LRP1B: variants seen among roughly 807,000 people sequenced by gnomAD.
LRP1B encodes the protein LDL receptor related protein 1B.
In LRP1B, 217 loss-of-function variants were observed where a neutral mutation model predicts 556.6. The observed-to-expected ratio is 0.39, with a 90% confidence interval of 0.35 to 0.44. The LOEUF is 0.44. Ranked by LOEUF, LRP1B falls within the 20% of genes least tolerant of loss-of-function variation. The pLI, the probability that LRP1B is intolerant of heterozygous loss-of-function variation, is 1.00. For synonymous variants in LRP1B, 2,047 were observed against 1,865.8 expected, an observed-to-expected ratio of 1.10 and a Z score of -2.50; for missense variants, 5,053 against 5,620.8, an observed-to-expected ratio of 0.90 and a Z score of 3.23.
chr2:142,039,286 A>G (rs1703987979), intron 1 of LRP1B, among the ~76,000 whole-genome samples: 1 of 151,506 alleles, frequency 6.6e-6, no homozygotes, highest in Non-Finnish European at 1.5e-5. Flanking sequence ...GCTCCTCCCC[A>G]TTGCATATTA....
At chr2:141,921,698 A>G (rs2104974399) in intron 1 of LRP1B, among the ~76,000 whole-genome samples, 1 of 152,168 alleles carries the variant, frequency 6.6e-6, no homozygotes, top group Admixed American at 6.5e-5. Flanking sequence ...GCTTCTCATC[A>G]ATTATAAATA....
In LRP1B at chr2:141,602,479, A is replaced by T. The variant is rs1021212314; in HGVS notation, c.206-121946T>A. Among the ~76,000 whole-genome samples, 11 of 152,326 alleles carry T rather than the reference A, an allele frequency of 7.2e-5. No individual in the cohort carries two copies. The East Asian group carries it at 2.1e-3, about 29-fold the overall frequency. On this transcript the variant is annotated intron_variant, in intron 2 of 90. Coordinates refer to ENST00000389484, the MANE Select transcript of LRP1B (RefSeq NM_018557.3). ...TAATTTAAACAATATTTAGAAAGTA[A>T]TTTAAACATTTCATAATCCTCTCAA...
intron 2 of LRP1B, among the ~76,000 whole-genome samples, chr2:141,764,550 G>T (rs969385874): frequency 6.6e-6 from 1 of 152,078 alleles, no homozygotes; most frequent in East Asian, 1.9e-4. Flanking sequence ...CAGAGAAAAG[G>T]TCACATGAGG....
intron 35 of LRP1B, among the ~76,000 whole-genome samples, chr2:140,759,510 T>G (rs977727801): frequency 2.6e-5 from 4 of 152,226 alleles, no homozygotes; most frequent in Admixed American, 2.0e-4. Context: ...TTTATTTTCT[T>G]TAACACAGCC....
At chr2:141,241,249 G>T (rs1393240354) in intron 5 of LRP1B, among the ~76,000 whole-genome samples, 2 of 151,922 alleles carry the variant, frequency 1.3e-5, no homozygotes, top group African/African-American at 2.4e-5. Flanking sequence ...ATAAAATAAA[G>T]AAATATTTTA....
intron 2 of LRP1B, among the ~76,000 whole-genome samples, chr2:141,720,373 T>C (rs73963545): frequency 0.027 from 4,135 of 152,230 alleles, 208 homozygotes; most frequent in African/African-American, 0.094. Context: ...GACCTGAATA[T>C]ATGGTAAAAT....
chr2:140,435,595 C>T lies in LRP1B; in HGVS notation c.10414+6909G>A, dbSNP rs569234621. ...CTAGAATATTTGGCATGCCTCCTGA[C>T]TCATTGTGTAGGCTCCTTTTTAGCT... is the stretch of plus-strand genomic sequence containing the variant. On this transcript the variant is annotated intron_variant, in intron 66 of 90. Coordinates refer to ENST00000389484, the MANE Select transcript of LRP1B (RefSeq NM_018557.3). Among the ~76,000 whole-genome samples, 13 of 151,980 alleles carry T rather than the reference C, an allele frequency of 8.6e-5. No homozygotes were observed. In the East Asian group the frequency reaches 1.4e-3, roughly 16 times the overall value.
intron 66 of LRP1B, among the ~76,000 whole-genome samples, chr2:140,416,357 A>C (rs1230756940): frequency 1.3e-5 from 2 of 152,156 alleles, no homozygotes; most frequent in African/African-American, 4.8e-5. Context: ...GAAGACTCAT[A>C]TCAAAACCCT....
rs79631705 is a variant in LRP1B, at chr2:142,084,822, T to C, written c.82+45826A>G. Among the ~76,000 whole-genome samples the C allele has an allele frequency of 0.011, 1,631 of 152,320 alleles. 152 individuals carry two copies. The East Asian group carries it at 0.24, about 22-fold the overall frequency. On this transcript the variant is annotated intron_variant, in intron 1 of 90. Coordinates refer to ENST00000389484, the MANE Select transcript of LRP1B (RefSeq NM_018557.3). Reference sequence around the variant, plus strand: ...GAACACTATCTCTTCCTGCTTAAGATGACCTTTTACAAACGAAAGTAGTTT... The same window carrying C: ...GAACACTATCTCTTCCTGCTTAAGACGACCTTTTACAAACGAAAGTAGTTT...
intron 72 of LRP1B, among the ~76,000 whole-genome samples, chr2:140,362,107 G>A (rs1682542388): frequency 6.6e-6 from 1 of 151,552 alleles, no homozygotes; most frequent in African/African-American, 2.4e-5. Context: ...GCTAGCACAG[G>A]CTGTTGTCAT....
chr2:141,860,292 C>G (rs6429926), intron 1 of LRP1B, among the ~76,000 whole-genome samples: 117,415 of 152,110 alleles, frequency 0.77, 45,512 homozygotes, highest in Middle Eastern at 0.83. Flanking sequence ...TCTTCAGTAA[C>G]GCTATATCAC....
chr2:140,575,873 G>C (rs1482686597), intron 43 of LRP1B, among the ~76,000 whole-genome samples: 1 of 151,784 alleles, frequency 6.6e-6, no homozygotes, highest in Admixed American at 6.6e-5. Context: ...AATGAGCCGA[G>C]ATCACGCCAC....
chr2:140,855,643 T>C (rs75745183), intron 27 of LRP1B, among the ~76,000 whole-genome samples: 1,587 of 152,046 alleles, frequency 0.01, 20 homozygotes, highest in African/African-American at 0.032. Context: ...TTTATTCTGA[T>C]CCACTCTCTT....
intron 1 of LRP1B, among the ~76,000 whole-genome samples, chr2:142,094,700 A>G (rs891860237): frequency 6.6e-6 from 1 of 151,898 alleles, no homozygotes; most frequent in Non-Finnish European, 1.5e-5. Context: ...GTTCTAGAAA[A>G]TAATTCACTT....
chr2:141,806,969 G>A (rs1574381983), intron 2 of LRP1B, among the ~76,000 whole-genome samples: 1 of 151,900 alleles, frequency 6.6e-6, no homozygotes, highest in South Asian at 2.1e-4. Context: ...CTAATATTTT[G>A]TAGATACAAC....
chr2:141,505,604 C>A (rs1041644483), intron 2 of LRP1B, among the ~76,000 whole-genome samples: 12 of 152,020 alleles, frequency 7.9e-5, no homozygotes, highest in African/African-American at 2.4e-4. Flanking sequence ...ATACCTGTTA[C>A]TATAATTTTG....
At chr2:141,301,858 T>C (rs1686408036) in intron 3 of LRP1B, among the ~76,000 whole-genome samples, 1 of 152,124 alleles carries the variant, frequency 6.6e-6, no homozygotes, top group African/African-American at 2.4e-5. Context: ...GGTTAAAGAA[T>C]AAATCAGTAG....
rs114151783 is a variant in LRP1B at position 140,922,397 on chromosome 2, A to C, written c.3319+568T>G. Among the ~76,000 whole-genome samples, 554 of 152,120 alleles carry C rather than the reference A, an allele frequency of 3.6e-3. 4 individuals are homozygous for C. The highest frequency in any genetic ancestry group is 6.7e-3 in the Non-Finnish European group (457 of 67,944). ...ACAATAACAGCCCCAATGACCCTCAAATCAAAGCTTTAAATGGCAGTCAGC... is the reference window on the plus strand; with the variant it reads ...ACAATAACAGCCCCAATGACCCTCACATCAAAGCTTTAAATGGCAGTCAGC... On this transcript the variant is annotated intron_variant, in intron 21 of 90. Coordinates refer to ENST00000389484, the MANE Select transcript of LRP1B (RefSeq NM_018557.3).
intron 41 of LRP1B, among the ~76,000 whole-genome samples, chr2:140,622,567 C>T (rs1683493249): frequency 1.3e-5 from 2 of 152,150 alleles, no homozygotes; most frequent in Non-Finnish European, 2.9e-5. Context: ...AGCTATAAAA[C>T]ATCTGAGGAA....
Sources: gnomAD v4.1 joint callset for allele counts (sites outside exome capture counted in the v4.1 genomes callset) on GRCh38, gnomAD v4.1.1 for gene constraint, MANE v1.5 for transcripts, NCBI Gene and HGNC (gene_info 2026-07-23, HGNC 2026-07-21) for gene names.